ITGA8: variants seen among roughly 807,000 people sequenced by gnomAD.
The protein encoded by ITGA8 is integrin subunit alpha 8.
Under a neutral mutation model 142.3 loss-of-function variants are expected in ITGA8, and 91 were observed. That is an observed-to-expected ratio of 0.64 (90% CI 0.54 to 0.76). ITGA8 has a LOEUF of 0.76. Ranked by LOEUF, ITGA8 falls within the 30% of genes least tolerant of loss-of-function variation. The probability of loss-of-function intolerance (pLI) is 0.00; values close to 1 mark genes in which losing one functional copy is unlikely to be tolerated. For missense variants in ITGA8, 1,406 were observed against 1,327.7 expected (o/e 1.06, Z -0.92); for synonymous variants, 505 against 485.2 (o/e 1.04, Z -0.54).
chr10:15,624,313 C>G (rs1219480407), intron 13 of ITGA8, among the ~76,000 whole-genome samples: 1 of 152,198 alleles, frequency 6.6e-6, no homozygotes, highest in African/African-American at 2.4e-5. Flanking sequence ...CTACTGGCTT[C>G]TAAATGACAT....
At chr10:15,609,962 G>A (rs1833262829) in intron 15 of ITGA8, among the ~76,000 whole-genome samples, 1 of 152,094 alleles carries the variant, frequency 6.6e-6, no homozygotes, top group Non-Finnish European at 1.5e-5. Context: ...GTATATAGTT[G>A]ATAAATGATG....
At chr10:15,708,416 C>G (rs1835301572) in intron 2 of ITGA8, among the ~76,000 whole-genome samples, 1 of 151,994 alleles carries the variant, frequency 6.6e-6, no homozygotes, top group African/African-American at 2.4e-5. Context: ...CCAGGTGGAA[C>G]AGGTTGGGGG....
At chr10:15,657,890 C>T (rs1167052577) in intron 10 of ITGA8, among the ~76,000 whole-genome samples, 1 of 152,166 alleles carries the variant, frequency 6.6e-6, no homozygotes, top group African/African-American at 2.4e-5. Flanking sequence ...TGCATTCAAA[C>T]ATGGAGGCCT....
intron 8 of ITGA8, among the ~76,000 whole-genome samples, chr10:15,670,664 C>G (rs1834495014): frequency 6.6e-6 from 1 of 152,190 alleles, no homozygotes; most frequent in African/African-American, 2.4e-5. Context: ...TCTACATAGG[C>G]AGCCAGTGTG....
chr10:15,550,204 T>C (rs558292924), intron 26 of ITGA8, among the ~76,000 whole-genome samples: 11 of 152,304 alleles, frequency 7.2e-5, no homozygotes, highest in African/African-American at 2.4e-4. Flanking sequence ...GCCTTCTGCC[T>C]TTCACCATGA....
chr10:15,587,223 A>C (rs1007544869), intron 22 of ITGA8, among the ~76,000 whole-genome samples: 5 of 152,116 alleles, frequency 3.3e-5, no homozygotes, highest in African/African-American at 1.2e-4. Context: ...GCCCAGCCAA[A>C]ACTAACACTT....
intron 12 of ITGA8, among the ~76,000 whole-genome samples, chr10:15,644,487 TATATAGA>T (rs1833940524): frequency 5.1e-5 from 1 of 19,728 alleles, no homozygotes; most frequent in African/African-American, 9.4e-5. Flanking sequence ...TATATATATA[TATATAGA>T]ATTTTTTTTT....
intron 2 of ITGA8, among the ~76,000 whole-genome samples, chr10:15,704,500 G>A (rs768497437): frequency 2.0e-5 from 3 of 152,018 alleles, no homozygotes; most frequent in Admixed American, 6.6e-5. Flanking sequence ...TCTCAACCAC[G>A]ATGGTTTTCT....
intron 13 of ITGA8, among the ~76,000 whole-genome samples, chr10:15,638,963 CAA>C (rs777517035): frequency 6.6e-6 from 1 of 151,246 alleles, no homozygotes; most frequent in South Asian, 2.1e-4. Flanking sequence ...CCTGTCTCTA[CAA>C]AAAAAATCAA....
chr10:15,573,958 G>A (rs1398706282), intron 24 of ITGA8, among the ~76,000 whole-genome samples: 1 of 151,464 alleles, frequency 6.6e-6, no homozygotes, highest in African/African-American at 2.4e-5. Flanking sequence ...GCTATATGTT[G>A]GTTTCTTTTT....
intron 10 of ITGA8, 29 bp from the exon 11 acceptor site, chr10:15,655,435 T>C: frequency 6.4e-7 from 1 of 1,557,100 alleles, no homozygotes. Flanking sequence ...AGATGACATT[T>C]TGTGTCCAAA....
At chr10:15,694,477 A>G (rs1305404849) in intron 2 of ITGA8, among the ~76,000 whole-genome samples, 1 of 136,798 alleles carries the variant, frequency 7.3e-6, no homozygotes, top group Admixed American at 7.8e-5. Context: ...TATTATATAT[A>G]AAATATATCT....
chr10:15,536,126 T>C (rs7898604), intron 27 of ITGA8, among the ~76,000 whole-genome samples: 30,070 of 152,004 alleles, frequency 0.2, 4,017 homozygotes, highest in African/African-American at 0.38. Flanking sequence ...GTAACACTCA[T>C]CGCGAGGGTC....
Position 15,613,777 on chromosome 10 carries a change from G to C in ITGA8, c.1446-10C>G, listed in dbSNP as rs1342968360. The C allele has an allele frequency of 6.3e-7, 1 of 1,587,638 alleles. No homozygotes were observed. Among genetic ancestry groups the C allele is most frequent in the East Asian group, 2.2e-5 (1 of 44,722 alleles). On this transcript the variant is annotated splice_polypyrimidine_tract_variant and intron_variant, in intron 14 of 29. Coordinates refer to ENST00000378076, the MANE Select transcript of ITGA8 (RefSeq NM_003638.3). Reference sequence around the variant, plus strand: ...CACAACCGGTCTTGCTCTGCGGGGAGAAAATGCAGGGTTTGTTTAAATAAA... The same window carrying C: ...CACAACCGGTCTTGCTCTGCGGGGACAAAATGCAGGGTTTGTTTAAATAAA...
chr10:15,711,777 AAAAG>A (rs1365228250), intron 2 of ITGA8, among the ~76,000 whole-genome samples: 1 of 152,210 alleles, frequency 6.6e-6, no homozygotes, highest in Non-Finnish European at 1.5e-5. Flanking sequence ...ACCCCCCAAA[AAAAG>A]AAAGAAAGGG....
chr10:15,642,271 C>G (rs1361016064), intron 13 of ITGA8, among the ~76,000 whole-genome samples: 1 of 152,188 alleles, frequency 6.6e-6, no homozygotes, highest in Non-Finnish European at 1.5e-5. Flanking sequence ...ATGCCTCTGT[C>G]CTTCCTGGCT....
chr10:15,638,311 AACATC>A (rs1187477923), intron 13 of ITGA8, among the ~76,000 whole-genome samples: 6 of 152,180 alleles, frequency 3.9e-5, no homozygotes, highest in African/African-American at 1.2e-4. Flanking sequence ...GTACACATAA[AACATC>A]ACAATCAGCC....
chr10:15,692,526 C>G (rs567177851), intron 2 of ITGA8, among the ~76,000 whole-genome samples: 64 of 152,288 alleles, frequency 4.2e-4, no homozygotes, highest in African/African-American at 1.5e-3. Flanking sequence ...ATTTCCAAAT[C>G]TTTCCCAATA....
chr10:15,614,645 A>G (rs566456472), intron 14 of ITGA8, among the ~76,000 whole-genome samples: 1 of 152,316 alleles, frequency 6.6e-6, no homozygotes, highest in South Asian at 2.1e-4. Flanking sequence ...GATCGTTGGA[A>G]GCCAAAGTCC....
Sources: gnomAD v4.1 joint callset for allele counts (sites outside exome capture counted in the v4.1 genomes callset) on GRCh38, gnomAD v4.1.1 for gene constraint, MANE v1.5 for transcripts, NCBI Gene and HGNC (gene_info 2026-07-23, HGNC 2026-07-21) for gene names.